FSTL5: variants seen among roughly 807,000 people sequenced by gnomAD.
FSTL5 encodes the protein follistatin-related protein 5.
A neutral mutation model predicts 89.1 loss-of-function variants in FSTL5; 62 were observed. The observed-to-expected ratio is 0.70, with a 90% CI of 0.57 to 0.86. FSTL5 has a LOEUF of 0.86. FSTL5 is among the 40% of genes least tolerant of loss of function. The pLI is 0.00. For missense variants in FSTL5, 1,057 were observed against 1,001.6 expected, an observed-to-expected ratio of 1.06 and a Z score of -0.75; for synonymous variants, 383 against 346.2, an observed-to-expected ratio of 1.11 and a Z score of -1.18.
At chr4:161,585,579 C>T (rs189790134) in intron 8 of FSTL5, among the ~76,000 whole-genome samples, 11 of 138,040 alleles carry the variant, frequency 8.0e-5, no homozygotes, top group African/African-American at 3.2e-4. Context: ...ACATTCTCTC[C>T]CTAATGCTAA....
chr4:161,550,006 C>T (rs1732145014), intron 8 of FSTL5, among the ~76,000 whole-genome samples: 2 of 151,772 alleles, frequency 1.3e-5, no homozygotes, highest in South Asian at 2.1e-4. Context: ...GGACTACAGC[C>T]GACCACCCTA....
chr4:161,525,444 G>A (rs79183499), intron 10 of FSTL5, among the ~76,000 whole-genome samples: 5,164 of 152,128 alleles, frequency 0.034, 167 homozygotes, highest in East Asian at 0.15. Flanking sequence ...GTAATACTCC[G>A]TTGGTGTTCA....
At chr4:161,546,622 T>C (rs2126550528) in intron 8 of FSTL5, among the ~76,000 whole-genome samples, 1 of 151,886 alleles carries the variant, frequency 6.6e-6, no homozygotes, top group Non-Finnish European at 1.5e-5. Flanking sequence ...TTAAATAAAA[T>C]GAACAGATTT....
chr4:161,709,690 G>A (rs576598869), intron 6 of FSTL5, among the ~76,000 whole-genome samples: 17 of 152,204 alleles, frequency 1.1e-4, no homozygotes, highest in Admixed American at 9.2e-4. Flanking sequence ...CAGCTACTCA[G>A]GAGAGTGAAG....
At chr4:161,536,000 A>G (rs1189341453) in intron 10 of FSTL5, among the ~76,000 whole-genome samples, 2 of 152,130 alleles carry the variant, frequency 1.3e-5, no homozygotes, top group East Asian at 3.9e-4. Flanking sequence ...AAAACCAAAT[A>G]CCACATGTTC....
intron 7 of FSTL5, among the ~76,000 whole-genome samples, chr4:161,620,655 T>TCAAAAACAAAAA (rs1045162086): frequency 1.3e-5 from 2 of 151,754 alleles, no homozygotes; most frequent in South Asian, 2.1e-4. Flanking sequence ...AAACTCCATC[T>TCAAAAACAAAAA]CAAAAACAAA....
At chr4:161,693,559 T>A (rs772890934) in intron 6 of FSTL5, among the ~76,000 whole-genome samples, 6 of 152,080 alleles carry the variant, frequency 3.9e-5, no homozygotes, top group African/African-American at 9.7e-5. Context: ...AATTTGTGTG[T>A]TTCTAGAAAT....
chr4:161,852,700 T>C (rs1283709627), intron 4 of FSTL5, among the ~76,000 whole-genome samples: 1 of 152,128 alleles, frequency 6.6e-6, no homozygotes, highest in Non-Finnish European at 1.5e-5. Flanking sequence ...AGTAAAGACA[T>C]GTAATCAACC....
At position 161,656,481 on chromosome 4, in the gene FSTL5, C is replaced by G; in HGVS notation, c.741G>C (p.Leu247Phe). Residue 247 changes from leucine (L) to phenylalanine (F), a missense_variant, in exon 7 of 16, where the codon TTG becomes TTC. Around this residue, in one of 3 missense-constraint regions of FSTL5, gnomAD observed 980 missense variants for 903.2 expected, o/e 1.08. Transcript: ENST00000306100. ...EFYRAFQVIQLSLPEDQKLSI... is the reference protein window; with the variant it reads ...EFYRAFQVIQFSLPEDQKLSI... ...TTAGTTTCTGATCTTCTGGCAGACT[C>G]AACTGGATCACTTCTGTAAAGATGA... 1 of 1,588,128 alleles carries G rather than the reference C, an allele frequency of 6.3e-7. No individual in the cohort carries two copies. Among genetic ancestry groups the G allele is most frequent in the Non-Finnish European group, 8.6e-7 (1 of 1,168,476 alleles).
chr4:162,009,650 C>G (rs1428505657), intron 3 of FSTL5, among the ~76,000 whole-genome samples: 1 of 151,912 alleles, frequency 6.6e-6, no homozygotes, highest in Admixed American at 6.6e-5. Flanking sequence ...AAGGTATTAA[C>G]TCATAGACTC....
intron 6 of FSTL5, among the ~76,000 whole-genome samples, chr4:161,703,433 T>C (rs1262336597): frequency 6.6e-6 from 1 of 152,144 alleles, no homozygotes; most frequent in Non-Finnish European, 1.5e-5. Flanking sequence ...TTCCTGGTGG[T>C]CTTTAAGTGA....
chr4:162,102,036 T>G (rs1579028732), intron 2 of FSTL5, among the ~76,000 whole-genome samples: 1 of 152,288 alleles, frequency 6.6e-6, no homozygotes, highest in East Asian at 1.9e-4. Context: ...ACCTATATTT[T>G]ATTTTTTGAA....
At chr4:162,150,555 TG>T (rs1219707699) in intron 1 of FSTL5, among the ~76,000 whole-genome samples, 2 of 152,152 alleles carry the variant, frequency 1.3e-5, no homozygotes, top group Non-Finnish European at 2.9e-5. Flanking sequence ...CATAAAGAAA[TG>T]TTACAACAGA....
chr4:161,474,255 C>T (rs1734046548), intron 13 of FSTL5, among the ~76,000 whole-genome samples: 1 of 152,000 alleles, frequency 6.6e-6, no homozygotes. Flanking sequence ...TCGGTTATGT[C>T]ACAAATTACA....
At chr4:162,147,582 A>T (rs1229141296) in intron 1 of FSTL5, among the ~76,000 whole-genome samples, 4 of 152,114 alleles carry the variant, frequency 2.6e-5, no homozygotes, top group African/African-American at 9.7e-5. Flanking sequence ...TACAGGTCAC[A>T]TTTTTGTGTA....
At chr4:161,934,633 C>A (rs1056770517) in intron 3 of FSTL5, among the ~76,000 whole-genome samples, 3 of 151,226 alleles carry the variant, frequency 2.0e-5, no homozygotes, top group Non-Finnish European at 4.4e-5. Flanking sequence ...TTCGTTCTTT[C>A]TTTTTGCTTT....
chr4:161,833,734 G>A (rs1160245740), intron 4 of FSTL5, among the ~76,000 whole-genome samples: 1 of 151,594 alleles, frequency 6.6e-6, no homozygotes, highest in African/African-American at 2.4e-5. Context: ...CATTTGCTTG[G>A]TAGATCTTCC....
intron 3 of FSTL5, among the ~76,000 whole-genome samples, chr4:161,983,616 G>T: frequency 6.6e-6 from 1 of 152,036 alleles, no homozygotes; most frequent in East Asian, 1.9e-4. Flanking sequence ...CCTTAAGAGA[G>T]TTTTAAAGAT....
chr4:161,400,852 C>A (rs1355793863), intron 15 of FSTL5, among the ~76,000 whole-genome samples: 1 of 152,028 alleles, frequency 6.6e-6, no homozygotes, highest in African/African-American at 2.4e-5. Context: ...CCTCTTAGGA[C>A]ATTATGTTAT....
Sources: gnomAD v4.1 joint callset for allele counts (sites outside exome capture counted in the v4.1 genomes callset) on GRCh38, gnomAD v4.1.1 for gene constraint, gnomAD v4.1.1 regional missense constraint, MANE v1.5 for transcripts, NCBI Gene and HGNC (gene_info 2026-07-23, HGNC 2026-07-21) for gene names.